NFAM1: variants seen among roughly 807,000 people sequenced by gnomAD.
NFAM1 encodes NFAT activation molecule 1.
Under a neutral mutation model 29.0 loss-of-function variants are expected in NFAM1, and 17 were observed. The ratio of observed to expected loss-of-function variants is 0.59; its 90% confidence interval spans 0.40 to 0.88. NFAM1 has a LOEUF of 0.88. Ranked by LOEUF, NFAM1 falls within the 40% of genes least tolerant of loss-of-function variation. NFAM1 has a pLI of 0.00. For missense variants in NFAM1, 324 were observed against 344.6 expected (o/e 0.94, Z 0.47); for synonymous variants, 175 against 147.2 (o/e 1.19, Z -1.36).
chr22:42,426,279 T>C (rs1930619972), intron 1 of NFAM1, among the ~76,000 whole-genome samples: 2 of 152,180 alleles, frequency 1.3e-5, no homozygotes, highest in Non-Finnish European at 2.9e-5. Context: ...TGTGGACCTC[T>C]GGCCCCTGGC....
chr22:42,408,518 G>A (rs1015188352), intron 3 of NFAM1, among the ~76,000 whole-genome samples: 2 of 152,200 alleles, frequency 1.3e-5, no homozygotes, highest in South Asian at 2.1e-4. Flanking sequence ...AGCCTCTGAC[G>A]AGCCCTGACC....
At position 42,432,368 on chromosome 22, in the gene NFAM1, G is replaced by C; in HGVS notation, c.-11C>G. ...AGGCTGGTTCTCCATCTGGGGGCCT[G>C]CTTGTCTGCGGCGACTCTTTAGTTC... On this transcript the variant is annotated 5_prime_UTR_variant, in exon 1 of 6. Coordinates refer to ENST00000329021, the MANE Select transcript of NFAM1 (RefSeq NM_145912.8). 1 of 1,558,910 alleles carries C rather than the reference G, an allele frequency of 6.4e-7. No individual in the cohort carries two copies. Among genetic ancestry groups the C allele is most frequent in the Non-Finnish European group, 8.7e-7 (1 of 1,155,290 alleles).
chr22:42,417,754 G>A (rs995119587), intron 1 of NFAM1, among the ~76,000 whole-genome samples: 1 of 152,138 alleles, frequency 6.6e-6, no homozygotes, highest in Non-Finnish European at 1.5e-5. Context: ...GGATAGGATG[G>A]TGCAGGGAGA....
chr22:42,395,684 C>T (rs1929497306), intron 4 of NFAM1, among the ~76,000 whole-genome samples: 1 of 151,258 alleles, frequency 6.6e-6, no homozygotes, highest in Non-Finnish European at 1.5e-5. Context: ...AGATCGAGAC[C>T]ATCCTGGCTA....
At chr22:42,393,163 A>AATTGACAAT (rs1929402543) in intron 4 of NFAM1, among the ~76,000 whole-genome samples, 1 of 152,140 alleles carries the variant, frequency 6.6e-6, no homozygotes, top group Admixed American at 6.5e-5. Flanking sequence ...AAAAAGCAAG[A>AATTGACAAT]ATTGACAATA....
intron 1 of NFAM1, among the ~76,000 whole-genome samples, chr22:42,430,044 C>T (rs1291768811): frequency 6.6e-6 from 1 of 151,900 alleles, no homozygotes; most frequent in Admixed American, 6.6e-5. Context: ...GGGTGGATCA[C>T]CTGAGGTCAG....
At chr22:42,436,831 G>T, upstream of NFAM1, 1 of 218,792 alleles carries the variant, frequency 4.6e-6, no homozygotes, top group Non-Finnish European at 7.8e-6. Flanking sequence ...TGGAACAAGG[G>T]CTCCAGCTCC....
intron 1 of NFAM1, among the ~76,000 whole-genome samples, chr22:42,415,460 T>C (rs8137508): frequency 0.068 from 10,402 of 152,070 alleles, 1,215 homozygotes; most frequent in African/African-American, 0.24. Flanking sequence ...CCACCATGCC[T>C]GGCTAATTTT....
At chr22:42,392,402 A>G (rs1318715536) in intron 4 of NFAM1, among the ~76,000 whole-genome samples, 1 of 152,118 alleles carries the variant, frequency 6.6e-6, no homozygotes. Context: ...TGTGGAGTCA[A>G]TGGTGACCCT....
At chr22:42,416,920 C>G (rs938876385) in intron 1 of NFAM1, among the ~76,000 whole-genome samples, 2 of 152,032 alleles carry the variant, frequency 1.3e-5, no homozygotes, top group African/African-American at 4.8e-5. Flanking sequence ...GAGAGGAAGA[C>G]CAGGGTGGAT....
intron 4 of NFAM1, among the ~76,000 whole-genome samples, chr22:42,389,903 A>G (rs1929276694): frequency 6.6e-6 from 1 of 152,120 alleles, no homozygotes; most frequent in Non-Finnish European, 1.5e-5. Context: ...AGTCCTGGGC[A>G]TTGGGGGTGA....
intron 3 of NFAM1, among the ~76,000 whole-genome samples, chr22:42,400,548 T>G (rs1417484380): frequency 6.6e-6 from 1 of 151,900 alleles, no homozygotes; most frequent in Admixed American, 6.6e-5. Context: ...ACCTGGGAGG[T>G]GGAGGTTGCA....
intron 1 of NFAM1, among the ~76,000 whole-genome samples, chr22:42,431,109 C>T (rs554945898): frequency 6.6e-6 from 1 of 152,304 alleles, no homozygotes; most frequent in South Asian, 2.1e-4. Flanking sequence ...GCCTACTGGC[C>T]GAGGGGCCCA....
At chr22:42,415,277 C>CCTTTCTTT (rs1201969569) in intron 1 of NFAM1, among the ~76,000 whole-genome samples, 2 of 150,580 alleles carry the variant, frequency 1.3e-5, no homozygotes, top group Non-Finnish European at 2.9e-5. Context: ...CCTACACCTT[C>CCTTTCTTT]CTTTCTTTCT....
intron 1 of NFAM1, among the ~76,000 whole-genome samples, chr22:42,416,251 G>A (rs551062081): frequency 3.9e-5 from 6 of 152,216 alleles, no homozygotes; most frequent in Admixed American, 3.9e-4. Context: ...CAGGAGGATC[G>A]CTTGAGCCCA....
At chr22:42,398,687 A>G (rs1929621336) in intron 3 of NFAM1, among the ~76,000 whole-genome samples, 1 of 152,186 alleles carries the variant, frequency 6.6e-6, no homozygotes, top group Non-Finnish European at 1.5e-5. Context: ...TGCTGGGATT[A>G]CAGGTGTGAG....
Position 42,388,649 on chromosome 22 carries a change from G to C in NFAM1, c.664-1571C>G, listed in dbSNP as rs1929231581. ...GAGGCAGGAGGAGGGCGGGAGGCGGGAGGGAAGGAGGGAGGGAGGCAGGCG... is the reference window on the plus strand; with the variant it reads ...GAGGCAGGAGGAGGGCGGGAGGCGGCAGGGAAGGAGGGAGGGAGGCAGGCG... On this transcript the variant is annotated intron_variant, in intron 4 of 5. Transcript: ENST00000329021. The surrounding 1 kb of genome is among the most constrained non-coding windows in gnomAD (Gnocchi z 4.1). Among the ~76,000 whole-genome samples the C allele has an allele frequency of 6.8e-6, 1 of 147,384 alleles. No homozygotes were observed. Among genetic ancestry groups the C allele is most frequent in the Non-Finnish European group, 1.5e-5 (1 of 66,572 alleles).
rs1164788921 is a variant in NFAM1 at position 42,381,196 on chromosome 22, C to G, written c.*3965G>C. The G allele has an allele frequency of 1.3e-5, 2 of 152,726 alleles. No individual in the cohort carries two copies. Among genetic ancestry groups the G allele is most frequent in the East Asian group, 3.9e-4 (2 of 5,192 alleles). The allele number at this position is 152,726 out of a possible 1,614,324, so 9.5% of individuals were successfully genotyped here. A position where few individuals can be genotyped will look rare whatever the true frequency, so the allele number is the denominator to read the frequency against. On this transcript the variant is annotated 3_prime_UTR_variant, in exon 6 of 6. Transcript: ENST00000329021. ...GTGGCCTCCTAGCTTAGTTCTGGGCCCCCGCCTGCAAGCACACGTGGCAAG... is the reference window on the plus strand; with the variant it reads ...GTGGCCTCCTAGCTTAGTTCTGGGCGCCCGCCTGCAAGCACACGTGGCAAG...
upstream of NFAM1, among the ~76,000 whole-genome samples, chr22:42,435,417 G>A (rs956958182): frequency 6.0e-5 from 9 of 149,828 alleles, no homozygotes; most frequent in African/African-American, 1.2e-4. Context: ...GCGCGATCTC[G>A]GCTCACCGTA....
Sources: allele counts gnomAD v4.1 joint callset (sites outside exome capture counted in the v4.1 genomes callset), GRCh38; gene constraint gnomAD v4.1.1; non-coding constraint Gnocchi (gnomAD v3.1); transcripts MANE v1.5; gene names NCBI Gene and HGNC (gene_info 2026-07-23, HGNC 2026-07-21).